NCKAP5: variants seen among roughly 807,000 people sequenced by gnomAD.
The protein encoded by NCKAP5 is nck-associated protein 5.
A neutral mutation model predicts 167.0 loss-of-function variants in NCKAP5; 92 were observed. The ratio of observed to expected loss-of-function variants is 0.55; its 90% confidence interval spans 0.47 to 0.66. The LOEUF (loss-of-function observed/expected upper bound fraction) is 0.66, where lower values mean the gene tolerates loss of function less well. NCKAP5 is among the 30% of genes least tolerant of loss of function. The pLI is 0.00. For synonymous variants in NCKAP5, 891 were observed against 877.4 expected (o/e 1.02, Z -0.27); for missense variants, 2,378 against 2,315.0 (o/e 1.03, Z -0.56).
chr2:133,434,605 T>C (rs1352871648), intron 3 of NCKAP5, among the ~76,000 whole-genome samples: 2 of 152,248 alleles, frequency 1.3e-5, no homozygotes, highest in Non-Finnish European at 2.9e-5. Flanking sequence ...GAGTTAAATA[T>C]GTGAAAACAC....
the NCKAP5 span, among the ~76,000 whole-genome samples, chr2:133,636,538 T>G: frequency 2.0e-5 from 3 of 152,178 alleles, no homozygotes; most frequent in Non-Finnish European, 4.4e-5. Flanking sequence ...AAGGGCTTGG[T>G]TAACTTGGTT....
intron 2 of NCKAP5, among the ~76,000 whole-genome samples, chr2:133,543,546 T>G (rs916565294): frequency 1.3e-5 from 2 of 152,204 alleles, no homozygotes; most frequent in East Asian, 3.9e-4. Context: ...TATTTCAGTC[T>G]GATATTATCA....
In NCKAP5 at chr2:133,505,372, C is replaced by CAT. The variant is rs143893267; in HGVS notation, c.69+12084_69+12085dup. Among the ~76,000 whole-genome samples the CAT allele has an allele frequency of 3.3e-3, 502 of 150,976 alleles. 2 individuals are homozygous for CAT. The highest frequency in any genetic ancestry group is 9.6e-3 in the African/African-American group (397 of 41,172). Reference sequence around the variant, plus strand: ...GATATGCTATTCCACTTTTAAACATCATATATATATATATGTAAACCAAAC... The same window carrying CAT: ...GATATGCTATTCCACTTTTAAACATCATATATATATATATATGTAAACCAAAC... On this transcript the variant is annotated intron_variant, in intron 3 of 19. Coordinates refer to ENST00000409261, the MANE Select transcript of NCKAP5 (RefSeq NM_207363.3).
intron 4 of NCKAP5, among the ~76,000 whole-genome samples, chr2:133,255,777 C>G (rs1443886904): frequency 6.6e-6 from 1 of 152,178 alleles, no homozygotes; most frequent in East Asian, 1.9e-4. Context: ...CTGGTAGTCT[C>G]AGCAATTTAT....
At chr2:133,460,261 A>G (rs1692121736) in intron 3 of NCKAP5, among the ~76,000 whole-genome samples, 1 of 152,194 alleles carries the variant, frequency 6.6e-6, no homozygotes, top group South Asian at 2.1e-4. Context: ...ACTGAGCTGA[A>G]TCACATAGAG....
intron 3 of NCKAP5, among the ~76,000 whole-genome samples, chr2:133,456,621 C>T (rs1243929941): frequency 6.6e-6 from 1 of 152,124 alleles, no homozygotes; most frequent in East Asian, 1.9e-4. Context: ...TGCAGGTGTA[C>T]ACAACTCCTA....
intron 6 of NCKAP5, among the ~76,000 whole-genome samples, chr2:133,043,539 A>G (rs983474854): frequency 4.6e-5 from 7 of 152,192 alleles, no homozygotes; most frequent in African/African-American, 1.4e-4. Flanking sequence ...ATTGCAAAAA[A>G]AACTCATTAT....
At chr2:132,901,248 T>G (rs1693604183) in intron 8 of NCKAP5, among the ~76,000 whole-genome samples, 1 of 152,204 alleles carries the variant, frequency 6.6e-6, no homozygotes, top group African/African-American at 2.4e-5. Context: ...TGGTGACAGG[T>G]TGAGTCAGCT....
chr2:133,216,394 C>T (rs971209275), intron 4 of NCKAP5, among the ~76,000 whole-genome samples: 2 of 151,872 alleles, frequency 1.3e-5, no homozygotes, highest in African/African-American at 4.8e-5. Context: ...AAGAATAAAA[C>T]AAAGTTGAAC....
At chr2:132,883,037 TAA>T (rs879851264) in intron 8 of NCKAP5, among the ~76,000 whole-genome samples, 2 of 151,726 alleles carry the variant, frequency 1.3e-5, no homozygotes, top group Admixed American at 1.3e-4. Context: ...CTACTAAAAA[TAA>T]AATAAAATAA....
At chr2:133,130,958 T>C (rs1323224339) in intron 5 of NCKAP5, among the ~76,000 whole-genome samples, 1 of 152,210 alleles carries the variant, frequency 6.6e-6, no homozygotes, top group Non-Finnish European at 1.5e-5. Flanking sequence ...TGATGAAAAC[T>C]ATACATGCAA....
In NCKAP5 at chr2:132,782,933, C is replaced by T; in HGVS notation, c.3878G>A (p.Gly1293Glu). 3.1e-6 allele frequency: 5 copies of T among 1,613,960 alleles called. No homozygotes were observed. Among genetic ancestry groups the T allele is most frequent in the South Asian group, 2.2e-5 (2 of 91,070 alleles). ...GDKPSTPPIE[G>E]SGKVRTQIIT... ...GATCTGAGTGCGGACTTTGCCTGAC[C>T]CTTCGATGGGGGGCGTAGAAGGCTT... Residue 1293 changes from glycine to glutamate, a missense_variant, in exon 14 of 20, where the codon GGG becomes GAG. This residue lies in a region of NCKAP5 where 1,325 missense variants were observed against 1,274.5 expected (regional missense o/e 1.04). Transcript: ENST00000409261.
intron 10 of NCKAP5, among the ~76,000 whole-genome samples, chr2:132,867,541 G>C (rs1280984203): frequency 6.6e-6 from 1 of 152,138 alleles, no homozygotes; most frequent in Non-Finnish European, 1.5e-5. Flanking sequence ...GAAAGCTTTT[G>C]GAAGTGTCCT....
At chr2:133,343,335 A>G in intron 3 of NCKAP5, among the ~76,000 whole-genome samples, 1 of 152,190 alleles carries the variant, frequency 6.6e-6, no homozygotes, top group East Asian at 1.9e-4. Flanking sequence ...TAATATACAC[A>G]TATACATGAA....
chr2:133,211,887 G>C (rs750791255), intron 5 of NCKAP5, among the ~76,000 whole-genome samples: 7 of 152,150 alleles, frequency 4.6e-5, no homozygotes, highest in Non-Finnish European at 8.8e-5. Flanking sequence ...GTTTTAAAAA[G>C]GGGTTTTGTC....
the NCKAP5 span, among the ~76,000 whole-genome samples, chr2:133,609,637 A>G: frequency 3.3e-5 from 5 of 152,240 alleles, no homozygotes; most frequent in Admixed American, 2.6e-4. Context: ...TTATCTCCCC[A>G]GAGACAACCA....
chr2:133,188,317 C>G (rs1224325319), intron 5 of NCKAP5, among the ~76,000 whole-genome samples: 6 of 152,026 alleles, frequency 3.9e-5, no homozygotes, highest in Non-Finnish European at 7.4e-5. Context: ...GACTCAGACT[C>G]CCACACAATA....
intron 3 of NCKAP5, among the ~76,000 whole-genome samples, chr2:133,393,255 A>G (rs1687532995): frequency 6.6e-6 from 1 of 152,220 alleles, no homozygotes; most frequent in Non-Finnish European, 1.5e-5. Context: ...TGACCTTGTC[A>G]AAATCCTACA....
At chr2:133,055,007 G>A (rs1170636535) in intron 6 of NCKAP5, among the ~76,000 whole-genome samples, 2 of 152,128 alleles carry the variant, frequency 1.3e-5, no homozygotes, top group Non-Finnish European at 2.9e-5. Context: ...TATAACTCTT[G>A]AAAGTCTATT....
Sources: gnomAD v4.1 joint callset for allele counts (sites outside exome capture counted in the v4.1 genomes callset) on GRCh38, gnomAD v4.1.1 for gene constraint, gnomAD v4.1.1 regional missense constraint, MANE v1.5 for transcripts, NCBI Gene and HGNC (gene_info 2026-07-23, HGNC 2026-07-21) for gene names.